PRORP: variants seen among roughly 807,000 people sequenced by gnomAD.
PRORP encodes the protein protein only RNase P catalytic subunit.
In PRORP, 51 loss-of-function variants were observed where a neutral mutation model predicts 59.4. That is an observed-to-expected ratio of 0.86 (90% CI 0.69 to 1.08). PRORP has a LOEUF of 1.08. Among genes scored for constraint, PRORP ranks in the 50% least tolerant of loss-of-function variants. The probability of loss-of-function intolerance (pLI) is 0.00; values close to 1 mark genes in which losing one functional copy is unlikely to be tolerated. For synonymous variants in PRORP, 231 were observed against 245.6 expected (o/e 0.94, Z 0.55); for missense variants, 646 against 690.3 (o/e 0.94, Z 0.72).
chr14:35,175,634 A>G (rs1196742211), intron 4 of PRORP, among the ~76,000 whole-genome samples: 2 of 151,660 alleles, frequency 1.3e-5, no homozygotes, highest in Admixed American at 1.3e-4. Flanking sequence ...TAGATTCTGG[A>G]TATTAGCCCT....
intron 4 of PRORP, among the ~76,000 whole-genome samples, chr14:35,152,934 G>A (rs377177605): frequency 1.4e-5 from 2 of 144,142 alleles, no homozygotes; most frequent in African/African-American, 2.6e-5. Context: ...GGGGCTCCTC[G>A]CATCCCAGAC....
chr14:35,272,626 T>G (rs2051221897), intron 7 of PRORP, among the ~76,000 whole-genome samples: 1 of 152,216 alleles, frequency 6.6e-6, no homozygotes, highest in East Asian at 1.9e-4. Context: ...AGATACATAC[T>G]GAAGTATTAC....
At chr14:35,202,991 T>A (rs1415048074) in intron 5 of PRORP, among the ~76,000 whole-genome samples, 1 of 152,230 alleles carries the variant, frequency 6.6e-6, no homozygotes, top group Non-Finnish European at 1.5e-5. Flanking sequence ...AGGAGAAGTT[T>A]AAATAAAATG....
chr14:35,237,964 A>T (rs893135587), intron 5 of PRORP, among the ~76,000 whole-genome samples: 2 of 152,014 alleles, frequency 1.3e-5, no homozygotes, highest in Admixed American at 1.3e-4. Context: ...TTAAATTTTT[A>T]AATTAGATAT....
intron 5 of PRORP, among the ~76,000 whole-genome samples, chr14:35,227,635 C>G (rs1448970794): frequency 1.3e-5 from 2 of 152,052 alleles, no homozygotes; most frequent in African/African-American, 2.4e-5. Flanking sequence ...AGAACTCCCA[C>G]CAAAAATATC....
intron 5 of PRORP, among the ~76,000 whole-genome samples, chr14:35,186,021 T>A (rs1369042751): frequency 6.6e-6 from 1 of 152,152 alleles, no homozygotes; most frequent in Non-Finnish European, 1.5e-5. Context: ...ATGTTAATAA[T>A]GAGGAAGTAT....
intron 4 of PRORP, among the ~76,000 whole-genome samples, chr14:35,150,332 T>C (rs1486442307): frequency 6.6e-6 from 1 of 152,158 alleles, no homozygotes; most frequent in Non-Finnish European, 1.5e-5. Context: ...GGGAGAAAGA[T>C]GGGGAAATGG....
intron 5 of PRORP, among the ~76,000 whole-genome samples, chr14:35,188,880 G>A (rs2048809786): frequency 6.8e-6 from 1 of 147,554 alleles, no homozygotes; most frequent in African/African-American, 2.5e-5. Flanking sequence ...GGAGGCGGAG[G>A]TTGCAGTAAG....
chr14:35,206,125 G>A (rs142517732), intron 5 of PRORP, among the ~76,000 whole-genome samples: 135 of 152,348 alleles, frequency 8.9e-4, no homozygotes, highest in Middle Eastern at 3.4e-3. Flanking sequence ...CAGACTTGCA[G>A]AATGTTTGGT....
chr14:35,272,378 C>T (rs77131173), intron 7 of PRORP, among the ~76,000 whole-genome samples: 8,558 of 152,080 alleles, frequency 0.056, 314 homozygotes, highest in Middle Eastern at 0.11. Context: ...TTTGGGAGGC[C>T]GAAGCAGGAG....
At chr14:35,203,660 C>T (rs932261678) in intron 5 of PRORP, among the ~76,000 whole-genome samples, 1 of 152,076 alleles carries the variant, frequency 6.6e-6, no homozygotes, top group East Asian at 1.9e-4. Context: ...GTCAGGAGAT[C>T]GAGACCATCC....
At chr14:35,138,525 G>A (rs2047420003) in intron 4 of PRORP, among the ~76,000 whole-genome samples, 1 of 143,506 alleles carries the variant, frequency 7.0e-6, no homozygotes, top group African/African-American at 2.5e-5. Flanking sequence ...TATAAACCAA[G>A]GAATAATTAT....
chr14:35,129,641 A>AT (rs1014815543), intron 4 of PRORP, among the ~76,000 whole-genome samples: 24 of 146,278 alleles, frequency 1.6e-4, no homozygotes, highest in Middle Eastern at 3.4e-3. Context: ...TGCCCAGCAA[A>AT]TTTTTTTTTT....
chr14:35,186,001 AG>A (rs1322728493), intron 5 of PRORP, among the ~76,000 whole-genome samples: 1 of 152,072 alleles, frequency 6.6e-6, no homozygotes, highest in Non-Finnish European at 1.5e-5. Context: ...TTCATCTTAC[AG>A]TTTCTGGAAT....
chr14:35,266,013 CAA>C (rs35304125), intron 5 of PRORP, among the ~76,000 whole-genome samples: 22,563 of 116,934 alleles, frequency 0.19, 2,043 homozygotes, highest in Admixed American at 0.27. Flanking sequence ...CCATCTCTAC[CAA>C]AAAAAAAAAA....
At chr14:35,229,451 A>G (rs1334513657) in intron 5 of PRORP, among the ~76,000 whole-genome samples, 1 of 152,182 alleles carries the variant, frequency 6.6e-6, no homozygotes. Flanking sequence ...TCTTTAATCC[A>G]TCTTGACTTA....
chr14:35,132,902 T>TTTTTGTTTTG (rs142726818), intron 4 of PRORP, among the ~76,000 whole-genome samples: 6 of 151,148 alleles, frequency 4.0e-5, no homozygotes, highest in African/African-American at 1.2e-4. Flanking sequence ...AGTTAGTGTT[T>TTTTTGTTTTG]TTTTGTTTTG....
intron 4 of PRORP, among the ~76,000 whole-genome samples, chr14:35,167,104 C>T (rs1038960151): frequency 6.6e-6 from 1 of 152,146 alleles, no homozygotes; most frequent in Non-Finnish European, 1.5e-5. Flanking sequence ...TACTTTCAGT[C>T]CCGTTACCTG....
At chr14:35,234,418 A>G (rs1008025405) in intron 5 of PRORP, among the ~76,000 whole-genome samples, 4 of 152,174 alleles carry the variant, frequency 2.6e-5, no homozygotes, top group Non-Finnish European at 4.4e-5. Context: ...TCTTTAAGAT[A>G]GCTTTGTTTG....
Sources: allele counts gnomAD v4.1 joint callset (sites outside exome capture counted in the v4.1 genomes callset), GRCh38; gene constraint gnomAD v4.1.1; transcripts MANE v1.5; gene names NCBI Gene and HGNC (gene_info 2026-07-23, HGNC 2026-07-21).